ZNF804B: variants seen among roughly 807,000 people sequenced by gnomAD.
ZNF804B encodes the protein zinc finger 804B.
In ZNF804B, 80 loss-of-function variants were observed where a neutral mutation model predicts 101.4. That is an observed-to-expected ratio of 0.79 (90% confidence interval 0.66 to 0.95). The LOEUF (loss-of-function observed/expected upper bound fraction) is 0.95, where lower values mean the gene tolerates loss of function less well. ZNF804B is among the 40% of genes least tolerant of loss of function. The pLI, the probability that ZNF804B is intolerant of heterozygous loss-of-function variation, is 0.00. For synonymous variants in ZNF804B, 622 were observed against 558.8 expected (o/e 1.11, Z -1.59); for missense variants, 1,673 against 1,561.9 (o/e 1.07, Z -1.20).
At chr7:88,939,118 A>G (rs1488980234) in intron 1 of ZNF804B, among the ~76,000 whole-genome samples, 3 of 152,034 alleles carry the variant, frequency 2.0e-5, no homozygotes, top group Non-Finnish European at 1.5e-5. Flanking sequence ...TAAGAAATGT[A>G]CAGTTGTTCC....
At chr7:89,126,538 A>G (rs2116373515) in intron 1 of ZNF804B, among the ~76,000 whole-genome samples, 1 of 152,128 alleles carries the variant, frequency 6.6e-6, no homozygotes, top group East Asian at 1.9e-4. Context: ...AAAACTTAGA[A>G]TGTCCATCAA....
intron 1 of ZNF804B, among the ~76,000 whole-genome samples, chr7:89,069,729 G>A (rs76116441): frequency 0.014 from 2,139 of 152,014 alleles, 62 homozygotes; most frequent in African/African-American, 0.048. Flanking sequence ...CTTTTTAGTC[G>A]AATTTTCCCC....
At chr7:89,228,340 C>G (rs907892220) in intron 2 of ZNF804B, among the ~76,000 whole-genome samples, 1 of 152,080 alleles carries the variant, frequency 6.6e-6, no homozygotes, top group South Asian at 2.1e-4. Flanking sequence ...AGGCAGCCTG[C>G]TTTTATTCTC....
intron 1 of ZNF804B, among the ~76,000 whole-genome samples, chr7:89,103,284 G>T (rs56271011): frequency 6.6e-6 from 1 of 150,472 alleles, no homozygotes; most frequent in Non-Finnish European, 1.5e-5. Context: ...TAATTTGTCA[G>T]AAATTATATT....
At chr7:89,079,118 T>C (rs1789657023) in intron 1 of ZNF804B, among the ~76,000 whole-genome samples, 1 of 152,060 alleles carries the variant, frequency 6.6e-6, no homozygotes, top group Non-Finnish European at 1.5e-5. Context: ...TGTGTATCCA[T>C]TTAGCAACAA....
intron 2 of ZNF804B, among the ~76,000 whole-genome samples, chr7:89,282,849 T>G (rs543037893): frequency 6.6e-6 from 1 of 151,792 alleles, no homozygotes; most frequent in East Asian, 1.9e-4. Context: ...AGACCCAGAG[T>G]TTCCCCTAGA....
intron 1 of ZNF804B, among the ~76,000 whole-genome samples, chr7:89,185,694 T>C (rs1292890134): frequency 6.6e-6 from 1 of 151,888 alleles, no homozygotes; most frequent in Non-Finnish European, 1.5e-5. Context: ...AAACCTGTCT[T>C]ACTAAAAATA....
intron 1 of ZNF804B, among the ~76,000 whole-genome samples, chr7:89,145,250 TTAAC>T (rs1790775251): frequency 1.3e-5 from 2 of 151,964 alleles, no homozygotes; most frequent in African/African-American, 2.4e-5. Context: ...ATATTGCCAA[TTAAC>T]TGACAACTGA....
At position 89,228,424 on chromosome 7, in the gene ZNF804B, G is replaced by T. The variant is rs549768522; in HGVS notation, c.249+10129G>T. 1.1e-4 allele frequency among the ~76,000 whole-genome samples: 16 copies of T among 152,192 alleles called. No individual in the cohort carries two copies. In the East Asian group the frequency reaches 2.9e-3, roughly 28 times the overall value. On this transcript the variant is annotated intron_variant, in intron 2 of 3. Transcript: ENST00000333190. ...GTTTTAGCAGGGCGCTGATTGGTGT[G>T]TTTACAATCCCTGAGCTAGACACAT...
chr7:89,270,930 T>C (rs1016768069), intron 2 of ZNF804B, among the ~76,000 whole-genome samples: 12 of 152,200 alleles, frequency 7.9e-5, no homozygotes. Context: ...TCCTGAGACT[T>C]TGCTGAAGTT....
At chr7:89,229,613 A>G (rs1474118382) in intron 2 of ZNF804B, among the ~76,000 whole-genome samples, 1 of 152,242 alleles carries the variant, frequency 6.6e-6, no homozygotes, top group African/African-American at 2.4e-5. Context: ...CCACTATTTT[A>G]CTTGGAGATA....
chr7:88,823,312 C>G (rs1286370773), intron 1 of ZNF804B, among the ~76,000 whole-genome samples: 1 of 152,126 alleles, frequency 6.6e-6, no homozygotes, highest in Non-Finnish European at 1.5e-5. Context: ...ACTCAAAACA[C>G]AAAATACTCA....
intron 1 of ZNF804B, among the ~76,000 whole-genome samples, chr7:89,016,123 C>G (rs867406746): frequency 0.023 from 3,447 of 152,102 alleles, 135 homozygotes; most frequent in African/African-American, 0.079. Context: ...TTTTTGGCTG[C>G]ATAAATGTCT....
intron 1 of ZNF804B, among the ~76,000 whole-genome samples, chr7:88,837,225 G>C (rs539263346): frequency 2.2e-4 from 34 of 151,786 alleles, no homozygotes; most frequent in Admixed American, 1.6e-3. Context: ...TTGGCTATAT[G>C]GCAAACATTT....
intron 2 of ZNF804B, among the ~76,000 whole-genome samples, chr7:89,270,574 T>G (rs1346590938): frequency 1.3e-5 from 2 of 152,204 alleles, no homozygotes; most frequent in Non-Finnish European, 2.9e-5. Context: ...CCTATGAACT[T>G]TAAAGTAGTA....
chr7:89,140,922 A>G (rs961733917), intron 1 of ZNF804B, among the ~76,000 whole-genome samples: 1 of 152,066 alleles, frequency 6.6e-6, no homozygotes, highest in East Asian at 1.9e-4. Flanking sequence ...GCCTTCTTCA[A>G]TGAGCTTAAT....
rs550859638 is a variant in ZNF804B at position 88,827,685 on chromosome 7, C to T, written c.108+67601C>T. On this transcript the variant is annotated intron_variant, in intron 1 of 3. Transcript: ENST00000333190. ...CAACCTAATTTATTTATCCATTGCC[C>T]ACCTCGTTTTCCCTCCACTCTGAAA... 7.7e-4 allele frequency among the ~76,000 whole-genome samples: 117 copies of T among 152,070 alleles called. 1 individual carries two copies. Among genetic ancestry groups the T allele is most frequent in the African/African-American group, 2.7e-3 (111 of 41,504 alleles).
chr7:89,169,007 C>T (rs1791186275), intron 1 of ZNF804B, among the ~76,000 whole-genome samples: 1 of 152,074 alleles, frequency 6.6e-6, no homozygotes, highest in Admixed American at 6.5e-5. Flanking sequence ...CTATTAGAAG[C>T]CATGGGTCAA....
chr7:88,858,806 A>G (rs923204167), intron 1 of ZNF804B, among the ~76,000 whole-genome samples: 33 of 152,148 alleles, frequency 2.2e-4, no homozygotes, highest in African/African-American at 7.5e-4. Context: ...AACTGTTAGC[A>G]TTATGTATTT....
Sources: gnomAD v4.1 joint callset for allele counts (sites outside exome capture counted in the v4.1 genomes callset) on GRCh38, gnomAD v4.1.1 for gene constraint, MANE v1.5 for transcripts, NCBI Gene and HGNC (gene_info 2026-07-23, HGNC 2026-07-21) for gene names.